ZNF215: variants seen among roughly 807,000 people sequenced by gnomAD.
The protein encoded by ZNF215 is zinc finger protein 215, also known as BWSCR2-associated zinc finger protein 2.
Under a neutral mutation model 27.2 loss-of-function variants are expected in ZNF215, and 24 were observed. That is an observed-to-expected ratio of 0.88 (90% CI 0.64 to 1.24). The LOEUF (loss-of-function observed/expected upper bound fraction) is 1.24. ZNF215 is among the 50% of genes most tolerant of loss of function. The pLI, the probability that ZNF215 is intolerant of heterozygous loss-of-function variation, is 0.00. For missense variants in ZNF215, 675 were observed against 605.7 expected (o/e 1.11, Z -1.20); for synonymous variants, 210 against 204.0 (o/e 1.03, Z -0.25).
chr11:6,943,290 A>G (rs1849693765), intron 5 of ZNF215, 75 bp downstream of exon 5: 2 of 1,532,618 alleles, frequency 1.3e-6, no homozygotes, highest in South Asian at 1.3e-5. Context: ...GGACTGCTGA[A>G]GTGGCTAAGT....
At chr11:6,960,897 C>T (rs1015638069), downstream of ZNF215, among the ~76,000 whole-genome samples, 7 of 152,122 alleles carry the variant, frequency 4.6e-5, no homozygotes, top group East Asian at 1.3e-3. Context: ...TATTCTATCA[C>T]CCTGGACCTT....
intron 2 of ZNF215, among the ~76,000 whole-genome samples, chr11:6,931,330 A>G (rs147397953): frequency 3.6e-4 from 55 of 152,302 alleles, no homozygotes; most frequent in African/African-American, 1.1e-3. Flanking sequence ...AGTGTTTCCT[A>G]CACCACGTTT....
At chr11:6,966,171 AC>A (rs1227150586) in intron 5 of ZNF215, among the ~76,000 whole-genome samples, 1 of 152,132 alleles carries the variant, frequency 6.6e-6, no homozygotes, top group African/African-American at 2.4e-5. Context: ...TAAATATTAC[AC>A]AGCCATAAAA....
At chr11:6,954,192 A>T (rs1040432872) in intron 6 of ZNF215, among the ~76,000 whole-genome samples, 2 of 73,840 alleles carry the variant, frequency 2.7e-5, no homozygotes, top group Admixed American at 1.6e-4. Flanking sequence ...GGGTTCAGGG[A>T]CCCACTTGAG....
At chr11:6,932,022 A>G (rs1413812179) in intron 2 of ZNF215, 72 bp from the exon 3 acceptor site, 1 of 359,306 alleles carries the variant, frequency 2.8e-6, no homozygotes, top group Non-Finnish European at 5.0e-6. Flanking sequence ...AGGCAATTTT[A>G]ATAATATTTG....
chr11:6,960,805 A>G (rs1179382538), downstream of ZNF215, among the ~76,000 whole-genome samples: 1 of 152,144 alleles, frequency 6.6e-6, no homozygotes, highest in African/African-American at 2.4e-5. Context: ...AATGGACACT[A>G]CAGAGCTCTT....
chr11:6,982,685 A>C (rs1850981234), intron 5 of ZNF215, among the ~76,000 whole-genome samples: 1 of 152,084 alleles, frequency 6.6e-6, no homozygotes, highest in African/African-American at 2.4e-5. Flanking sequence ...TGAAGGCAGA[A>C]ATAAAGATGT....
intron 5 of ZNF215, among the ~76,000 whole-genome samples, chr11:6,964,957 A>G (rs566149199): frequency 1.3e-5 from 2 of 152,242 alleles, no homozygotes; most frequent in Non-Finnish European, 2.9e-5. Flanking sequence ...ACAAAGTTTT[A>G]CATGCATTAC....
chr11:6,970,844 G>A (rs1850705213), intron 5 of ZNF215, among the ~76,000 whole-genome samples: 2 of 152,112 alleles, frequency 1.3e-5, no homozygotes, highest in African/African-American at 4.8e-5. Flanking sequence ...GCAGGTACAT[G>A]TATACATGTG....
chr11:6,955,951 T>C lies in ZNF215; in HGVS notation c.974T>C (p.Ile325Thr). The C allele has an allele frequency of 6.2e-7, 1 of 1,613,064 alleles. No individual in the cohort carries two copies. The highest frequency in any genetic ancestry group is 8.5e-7 in the Non-Finnish European group (1 of 1,179,740). ...VSSICAIQVG[I>T]PSRKGSPKCD... Reference sequence around the variant, plus strand: ...TCAATTTGTGCTATACAAGTGGGAATTCCTTCAAGAAAGGGGTCTCCAAAA... The same window carrying C: ...TCAATTTGTGCTATACAAGTGGGAACTCCTTCAAGAAAGGGGTCTCCAAAA... Residue 325 changes from isoleucine (I) to threonine (T), a missense_variant, in exon 7 of 7, where the codon ATT becomes ACT. By Grantham distance (89) the Ile-to-Thr change is moderately conservative. Transcript: ENST00000278319.
At chr11:6,930,948 C>T (rs1849236468) in intron 2 of ZNF215, among the ~76,000 whole-genome samples, 1 of 152,162 alleles carries the variant, frequency 6.6e-6, no homozygotes, top group Admixed American at 6.6e-5. Flanking sequence ...ACGATTTGGA[C>T]TGGGTAATTC....
At chr11:6,981,739 T>C (rs1850957286) in intron 5 of ZNF215, among the ~76,000 whole-genome samples, 1 of 152,226 alleles carries the variant, frequency 6.6e-6, no homozygotes, top group Admixed American at 6.5e-5. Flanking sequence ...TTTATGGTTT[T>C]AGGTCTAACG....
intron 6 of ZNF215, among the ~76,000 whole-genome samples, chr11:6,953,723 C>T (rs1269685568): frequency 1.3e-5 from 2 of 152,200 alleles, no homozygotes; most frequent in Non-Finnish European, 2.9e-5. Flanking sequence ...CTGAAGCCTT[C>T]TTCTCTCAAC....
chr11:6,992,450 T>C (rs1851126033), downstream of ZNF215, among the ~76,000 whole-genome samples: 1 of 152,262 alleles, frequency 6.6e-6, no homozygotes, highest in Admixed American at 6.5e-5. Context: ...ATAAACATGC[T>C]ATGAATAATA....
chr11:6,936,526 T>C (rs182053088), intron 3 of ZNF215, among the ~76,000 whole-genome samples: 1 of 152,178 alleles, frequency 6.6e-6, no homozygotes, highest in Admixed American at 6.5e-5. Context: ...AACTCAAAGA[T>C]GATATGGCTT....
chr11:6,957,395 C>T lies in ZNF215; in HGVS notation c.*864C>T. On this transcript the variant is annotated 3_prime_UTR_variant, in exon 7 of 7. Coordinates refer to ENST00000278319, the MANE Select transcript of ZNF215 (RefSeq NM_013250.4). Reference sequence around the variant, plus strand: ...TGAGTTTGTGAGGAAGTGTGCCCTGCAGTGGAATGGCTCCTAATCAGGGTT... The same window carrying T: ...TGAGTTTGTGAGGAAGTGTGCCCTGTAGTGGAATGGCTCCTAATCAGGGTT... The T allele has an allele frequency of 5.6e-6, 1 of 178,330 alleles. No individual in the cohort carries two copies. The highest frequency in any genetic ancestry group is 1.1e-5 in the Non-Finnish European group (1 of 91,950). 11.0% of individuals were successfully genotyped at this position (178,330 alleles called of 1,614,324 possible).
chr11:6,947,634 A>T (rs1406517530), intron 6 of ZNF215, among the ~76,000 whole-genome samples: 1 of 152,212 alleles, frequency 6.6e-6, no homozygotes. Context: ...TAATTAGGGA[A>T]ATACAATTGG....
chr11:6,938,235 A>C (rs1849505550), intron 3 of ZNF215, among the ~76,000 whole-genome samples: 1 of 152,060 alleles, frequency 6.6e-6, no homozygotes, highest in Admixed American at 6.5e-5. Context: ...AAGTATAGGA[A>C]TAAATGTTCA....
chr11:6,972,211 T>C (rs1448187016), intron 5 of ZNF215, among the ~76,000 whole-genome samples: 5 of 152,106 alleles, frequency 3.3e-5, no homozygotes, highest in African/African-American at 1.2e-4. Context: ...AATGAGATAG[T>C]AAATATTTTA....
Sources: gnomAD v4.1 joint callset for allele counts (sites outside exome capture counted in the v4.1 genomes callset) on GRCh38, gnomAD v4.1.1 for gene constraint, MANE v1.5 for transcripts, NCBI Gene and HGNC (gene_info 2026-07-23, HGNC 2026-07-21) for gene names.